Variants in VPS54 observed in about 807,000 individuals in gnomAD.
The protein encoded by VPS54 is VPS54 subunit of GARP complex.
VPS54 carries 45 observed loss-of-function variants against 121.5 expected under a neutral mutation model. The observed-to-expected ratio is 0.37, with a 90% confidence interval of 0.29 to 0.47. The LOEUF (loss-of-function observed/expected upper bound fraction) is 0.47. Ranked by LOEUF, VPS54 falls within the 20% of genes least tolerant of loss-of-function variation. The pLI is 0.99. For missense variants in VPS54, 1,090 were observed against 1,131.4 expected, an observed-to-expected ratio of 0.96 and a Z score of 0.52; for synonymous variants, 371 against 385.8, an observed-to-expected ratio of 0.96 and a Z score of 0.45.
chr2:63,995,854 T>C (rs1411136753), intron 1 of VPS54, among the ~76,000 whole-genome samples: 5 of 152,220 alleles, frequency 3.3e-5, no homozygotes, highest in Non-Finnish European at 7.3e-5. Context: ...TGGACATGAC[T>C]AAATTAAATA....
chr2:63,995,248 A>G (rs1185342704), intron 1 of VPS54, among the ~76,000 whole-genome samples: 1 of 152,228 alleles, frequency 6.6e-6, no homozygotes, highest in Non-Finnish European at 1.5e-5. Context: ...GCCTCCTTAC[A>G]TGCCATTAGT....
intron 1 of VPS54, among the ~76,000 whole-genome samples, chr2:64,002,681 T>G (rs1365746135): frequency 1.3e-5 from 2 of 152,208 alleles, no homozygotes; most frequent in Non-Finnish European, 2.9e-5. Context: ...CTAAGTTATT[T>G]CTGTATCTGA....
intron 10 of VPS54, 101 bp downstream of exon 10, chr2:63,944,499 T>G: frequency 1.8e-6 from 2 of 1,135,918 alleles, no homozygotes; most frequent in Non-Finnish European, 2.6e-6. Context: ...GCTCACACCT[T>G]AGTAAATAAT....
intron 5 of VPS54, among the ~76,000 whole-genome samples, chr2:63,967,930 G>A (rs1197834133): frequency 1.3e-5 from 2 of 151,996 alleles, no homozygotes; most frequent in Admixed American, 6.6e-5. Flanking sequence ...TGAGGGAAAA[G>A]TCTTCCAGGA....
intron 20 of VPS54, among the ~76,000 whole-genome samples, chr2:63,902,521 A>G (rs114695137): frequency 0.019 from 2,910 of 152,268 alleles, 97 homozygotes; most frequent in African/African-American, 0.066. Flanking sequence ...CACAGTCTCT[A>G]CTGTTCTTCT....
chr2:64,001,567 C>T (rs1051893621), intron 1 of VPS54, among the ~76,000 whole-genome samples: 3 of 152,088 alleles, frequency 2.0e-5, no homozygotes, highest in African/African-American at 7.2e-5. Context: ...CCCAAGGGCC[C>T]TTTAGTCAGC....
At chr2:64,018,579 G>A (rs1678820795) in intron 1 of VPS54, among the ~76,000 whole-genome samples, 1 of 152,044 alleles carries the variant, frequency 6.6e-6, no homozygotes, top group Admixed American at 6.5e-5. Flanking sequence ...CTAAGGGCCT[G>A]GCTGGAAAAA....
chr2:63,894,825 T>A (rs2104390129), intron 22 of VPS54, among the ~76,000 whole-genome samples: 1 of 152,146 alleles, frequency 6.6e-6, no homozygotes, highest in East Asian at 1.9e-4. Context: ...ATATATGCAA[T>A]ATACCATATA....
intron 1 of VPS54, among the ~76,000 whole-genome samples, chr2:64,001,552 C>T (rs903635534): frequency 6.6e-6 from 1 of 152,102 alleles, no homozygotes; most frequent in African/African-American, 2.4e-5. Context: ...GCTAGTTATT[C>T]AGGGCCCAAG....
In VPS54 at chr2:63,917,982, ACACT is replaced by A. The variant is rs952219552; in HGVS notation, c.2165-1023_2165-1020del. On this transcript the variant is annotated intron_variant, in intron 15 of 22. Coordinates refer to ENST00000272322, the MANE Select transcript of VPS54 (RefSeq NM_016516.3). ...ACTTAGAACAAAACAGTGTAAGTAA[ACACT>A]CAATTAATATTAGCTGCTATCCATT... 2.3e-4 allele frequency among the ~76,000 whole-genome samples: 35 copies of A among 152,196 alleles called. No individual in the cohort carries two copies. The East Asian group carries it at 6.2e-3, about 27-fold the overall frequency.
At chr2:63,902,643 C>A (rs1672729543) in intron 20 of VPS54, among the ~76,000 whole-genome samples, 1 of 152,046 alleles carries the variant, frequency 6.6e-6, no homozygotes, top group East Asian at 1.9e-4. Context: ...AGAGAGAATC[C>A]AGATGTTGAA....
At chr2:63,934,137 A>G in intron 11 of VPS54, 124 bp from the exon 12 acceptor site, 1 of 807,446 alleles carries the variant, frequency 1.2e-6, no homozygotes, top group Non-Finnish European at 1.9e-6. Context: ...AGTCATGTAT[A>G]TCAGAATTTC....
chr2:63,900,671 C>G (rs1303072848), intron 20 of VPS54, among the ~76,000 whole-genome samples: 1 of 152,154 alleles, frequency 6.6e-6, no homozygotes, highest in Non-Finnish European at 1.5e-5. Flanking sequence ...AGCTGCCCAC[C>G]TGAGGTGTTC....
intron 20 of VPS54, among the ~76,000 whole-genome samples, chr2:63,911,202 G>C (rs1455692212): frequency 2.0e-5 from 3 of 152,144 alleles, no homozygotes; most frequent in African/African-American, 7.2e-5. Flanking sequence ...AATTGCTTTT[G>C]AATGTAGCTT....
chr2:63,989,379 G>A (rs1037367782), intron 1 of VPS54, among the ~76,000 whole-genome samples: 1 of 151,950 alleles, frequency 6.6e-6, no homozygotes, highest in African/African-American at 2.4e-5. Flanking sequence ...CTGGATTTTC[G>A]GCTCAGGGGG....
chr2:63,893,823 T>C (rs1185187743), intron 22 of VPS54, among the ~76,000 whole-genome samples: 1 of 152,200 alleles, frequency 6.6e-6, no homozygotes, highest in Non-Finnish European at 1.5e-5. Context: ...CAGCATGAAT[T>C]AATATACAGA....
At chr2:63,957,127 T>C (rs1675529658) in intron 7 of VPS54, among the ~76,000 whole-genome samples, 1 of 152,148 alleles carries the variant, frequency 6.6e-6, no homozygotes. Context: ...CAAAATTTCA[T>C]TTCACATGTA....
intron 10 of VPS54, among the ~76,000 whole-genome samples, chr2:63,942,791 C>T (rs558123217): frequency 1.3e-5 from 2 of 152,032 alleles, no homozygotes; most frequent in African/African-American, 4.8e-5. Flanking sequence ...TATGAACAAG[C>T]TTTATGATCA....
At position 64,005,477 on chromosome 2, in the gene VPS54, T is replaced by G. The variant is rs901540658; in HGVS notation, c.-21+13461A>C. On this transcript the variant is annotated intron_variant, in intron 1 of 22. Coordinates refer to ENST00000272322, the MANE Select transcript of VPS54 (RefSeq NM_016516.3). Reference sequence around the variant, plus strand: ...TGAGCATAAATTAAATCTTAAGATATCTGTAGCAATTGAATGTGATATGAG... The same window carrying G: ...TGAGCATAAATTAAATCTTAAGATAGCTGTAGCAATTGAATGTGATATGAG... 2.0e-5 allele frequency among the ~76,000 whole-genome samples: 3 copies of G among 152,318 alleles called. No individual in the cohort carries two copies. The South Asian group carries it at 6.2e-4, about 32-fold the overall frequency.
Sources: allele counts gnomAD v4.1 joint callset (sites outside exome capture counted in the v4.1 genomes callset), GRCh38; gene constraint gnomAD v4.1.1; transcripts MANE v1.5; gene names NCBI Gene and HGNC (gene_info 2026-07-23, HGNC 2026-07-21).